LAMA4: variants seen among roughly 807,000 people sequenced by gnomAD.
LAMA4 encodes the protein laminin subunit alpha-4.
LAMA4 carries 127 observed loss-of-function variants against 207.1 expected under a neutral mutation model. The ratio of observed to expected loss-of-function variants is 0.61; its 90% CI spans 0.53 to 0.71. The LOEUF is 0.71. Among genes scored for constraint, LAMA4 ranks in the 30% least tolerant of loss-of-function variants. The pLI, the probability that LAMA4 is intolerant of heterozygous loss-of-function variation, is 0.00. For synonymous variants in LAMA4, 761 were observed against 816.0 expected (o/e 0.93, Z 1.15); for missense variants, 2,093 against 2,246.5 (o/e 0.93, Z 1.38).
chr6:112,140,985 C>A, intron 21 of LAMA4, 63 bp from the exon 22 acceptor site: 1 of 1,446,828 alleles, frequency 6.9e-7, no homozygotes, highest in South Asian at 1.2e-5. Flanking sequence ...TTTTAAATGT[C>A]AAAATGTTAA....
chr6:112,148,425 C>T, intron 17 of LAMA4, 89 bp from the exon 18 acceptor site: 1 of 1,398,614 alleles, frequency 7.1e-7, no homozygotes, highest in Non-Finnish European at 1.0e-6. Context: ...TTGAATGAAA[C>T]AGATCTCACA....
In LAMA4 at chr6:112,119,388, C is replaced by T. The variant is rs587695617; in HGVS notation, c.4666-77G>A. On this transcript the variant is annotated intron_variant, in intron 33 of 38. Transcript: ENST00000230538. ...GAAAAGGCTGTGTTTCCTCTTCTTC[C>T]AACTTTGCTATTGCAATGCTGTGGG... 4.0e-6 allele frequency: 6 copies of T among 1,497,048 alleles called. No homozygotes were observed. In the African/African-American group the frequency reaches 5.5e-5, roughly 14 times the overall value. 92.7% of individuals were successfully genotyped at this position (1,497,048 alleles called of 1,614,324 possible). A position where few individuals can be genotyped will look rare whatever the true frequency, so the allele number is the denominator to read the frequency against.
chr6:112,221,605 AC>A (rs1784927878), intron 2 of LAMA4, among the ~76,000 whole-genome samples: 1 of 152,184 alleles, frequency 6.6e-6, no homozygotes, highest in Non-Finnish European at 1.5e-5. Context: ...TTGTTTCCAG[AC>A]AACAATGATT....
intron 14 of LAMA4, among the ~76,000 whole-genome samples, chr6:112,156,468 A>G (rs1218979486): frequency 1.3e-5 from 2 of 152,142 alleles, no homozygotes; most frequent in African/African-American, 2.4e-5. Flanking sequence ...CTGAATTGGG[A>G]TTTTAAAACT....
intron 7 of LAMA4, 151 bp from the exon 8 acceptor site, chr6:112,187,752 T>A: frequency 1.2e-6 from 1 of 850,972 alleles, no homozygotes; most frequent in Non-Finnish European, 1.9e-6. Flanking sequence ...CAGGCTTTAG[T>A]ATCTTGCTTG....
intron 3 of LAMA4, among the ~76,000 whole-genome samples, chr6:112,215,347 G>C (rs1476334888): frequency 6.6e-6 from 1 of 152,126 alleles, no homozygotes; most frequent in Non-Finnish European, 1.5e-5. Flanking sequence ...TAGGGTTAAA[G>C]ATCAATAAAA....
At chr6:112,224,126 C>T (rs1287825898) in intron 2 of LAMA4, among the ~76,000 whole-genome samples, 1 of 152,188 alleles carries the variant, frequency 6.6e-6, no homozygotes, top group Non-Finnish European at 1.5e-5. Context: ...CTTTCACATC[C>T]ACAGGGATGA....
At position 112,114,133 on chromosome 6, in the gene LAMA4, G is replaced by C. The variant is rs782001026; in HGVS notation, c.5269C>G (p.Pro1757Ala). The C allele has an allele frequency of 6.2e-7, 1 of 1,613,672 alleles. No homozygotes were observed. The highest frequency in any genetic ancestry group is 1.3e-5 in the African/African-American group (1 of 74,896). The change falls in exon 38 of 39, where the codon CCC becomes GCC. Residue 1757 changes from proline to alanine, a missense_variant. Pro to Ala is a conservative substitution (Grantham distance 27). Around this residue, in one of 3 missense-constraint regions of LAMA4, gnomAD observed 383 missense variants for 437.8 expected, o/e 0.87. Coordinates refer to ENST00000230538, the MANE Select transcript of LAMA4 (RefSeq NM_001105206.3). ...TGATCAATTGGTTTTGGATTCAGGGGTCCAACCACATGGTTCACTTCAGAG... is the reference window on the plus strand; with the variant it reads ...TGATCAATTGGTTTTGGATTCAGGGCTCCAACCACATGGTTCACTTCAGAG... ...VDSEVNHVVG[P>A]LNPKPIDHRE...
intron 5 of LAMA4, among the ~76,000 whole-genome samples, chr6:112,198,250 G>A (rs782060398): frequency 1.3e-5 from 2 of 152,142 alleles, no homozygotes; most frequent in Non-Finnish European, 2.9e-5. Context: ...TTTTCCTGGA[G>A]ACAGTTGGAC....
intron 9 of LAMA4, chr6:112,179,265 GTGTA>G (rs1355208951): frequency 6.6e-6 from 1 of 152,226 alleles, no homozygotes; most frequent in African/African-American, 2.4e-5. Flanking sequence ...GGGCGTCTGT[GTGTA>G]TGTGTGTGTT....
At chr6:112,155,299 A>G (rs1673375922) in intron 15 of LAMA4, 1 of 569,154 alleles carries the variant, frequency 1.8e-6, no homozygotes, top group Non-Finnish European at 3.1e-6. Context: ...ACTAATTTTA[A>G]ATACATATTT....
intron 12 of LAMA4, among the ~76,000 whole-genome samples, chr6:112,168,048 A>G (rs145144021): frequency 0.018 from 2,801 of 152,028 alleles, 124 homozygotes; most frequent in Admixed American, 0.11. Context: ...AATACAAAAA[A>G]TTAGCCGGGC....
At chr6:112,178,817 T>A (rs1782177869) in intron 9 of LAMA4, 1 of 152,870 alleles carries the variant, frequency 6.5e-6, no homozygotes, top group South Asian at 2.1e-4. Flanking sequence ...TTCTTCAAAT[T>A]TTTACTGTAT....
At position 112,165,148 on chromosome 6, in the gene LAMA4, G is replaced by A. The variant is rs752501051; in HGVS notation, c.1668+12C>T. The A allele has an allele frequency of 1.1e-4, 165 of 1,464,466 alleles. 1 individual carries two copies. The South Asian group carries it at 1.2e-3, about 11-fold the overall frequency. 90.7% of individuals were successfully genotyped at this position (1,464,466 alleles called of 1,614,324 possible). On this transcript the variant is annotated intron_variant, in intron 13 of 38. Coordinates refer to ENST00000230538, the MANE Select transcript of LAMA4 (RefSeq NM_001105206.3). The stretch of plus-strand genomic sequence containing the variant: ...GGAAATACAAACCTGAACAAGTCAC[G>A]TGCGTCCTTACCTTTATTATATCAT...
At chr6:112,248,875 T>C (rs1472061137) in intron 2 of LAMA4, among the ~76,000 whole-genome samples, 4 of 152,190 alleles carry the variant, frequency 2.6e-5, no homozygotes, top group Non-Finnish European at 4.4e-5. Flanking sequence ...TATGAAAATT[T>C]GGTTAAGGTA....
At chr6:112,227,603 A>C (rs887259270) in intron 2 of LAMA4, among the ~76,000 whole-genome samples, 9 of 152,292 alleles carry the variant, frequency 5.9e-5, no homozygotes, top group South Asian at 2.1e-4. Flanking sequence ...CTTGTGTATA[A>C]TTTCCCCAAC....
Position 112,187,545 on chromosome 6 carries a change from T to C in LAMA4, c.871A>G (p.Ile291Val), listed in dbSNP as rs2114941016. ...AGCACCCCGGATTTGCCTTCCTCGA[T>C]GGAGAGCGCTGCTAACCGCAGGTCA... ...TDDLRLAALS[I>V]EEGKSGVLSV... is the part of the protein sequence containing the mutation. Residue 291 changes from isoleucine (I) to valine (V), a missense_variant, in exon 8 of 39, where the codon ATC (isoleucine) becomes GTC (valine). Ile to Val is a conservative substitution (Grantham distance 29). Transcript: ENST00000230538. 3 of 1,614,118 alleles carry C rather than the reference T, an allele frequency of 1.9e-6. No homozygotes were observed. The Middle Eastern group carries it at 4.9e-4, about 266-fold the overall frequency.
At chr6:112,195,854 C>G (rs6568724) in intron 5 of LAMA4, among the ~76,000 whole-genome samples, 1 of 151,488 alleles carries the variant, frequency 6.6e-6, no homozygotes, top group African/African-American at 2.4e-5. Flanking sequence ...TTTTGGATTT[C>G]TTGCTAACCC....
chr6:112,201,107 T>C (rs782672915), intron 5 of LAMA4, among the ~76,000 whole-genome samples: 1 of 152,034 alleles, frequency 6.6e-6, no homozygotes, highest in Non-Finnish European at 1.5e-5. Context: ...CCTAAACTCC[T>C]GTGGAATTTG....
Sources: allele counts gnomAD v4.1 joint callset (sites outside exome capture counted in the v4.1 genomes callset), GRCh38; gene constraint gnomAD v4.1.1; regional missense constraint gnomAD v4.1.1; transcripts MANE v1.5; gene names NCBI Gene and HGNC (gene_info 2026-07-23, HGNC 2026-07-21).